SERPINB10: variants seen among roughly 807,000 people sequenced by gnomAD.
SERPINB10 encodes the protein serpin B10.
In SERPINB10, 35 loss-of-function variants were observed where a neutral mutation model predicts 39.1. The observed-to-expected ratio is 0.90, with a 90% confidence interval of 0.68 to 1.19. SERPINB10 has a LOEUF of 1.19. Among genes scored for constraint, SERPINB10 ranks in the 50% most tolerant of loss-of-function variants. The probability of loss-of-function intolerance (pLI) is 0.00; values close to 1 mark genes in which losing one functional copy is unlikely to be tolerated. For missense variants in SERPINB10, 546 were observed against 460.5 expected, an observed-to-expected ratio of 1.19 and a Z score of -1.70; for synonymous variants, 190 against 158.1, an observed-to-expected ratio of 1.20 and a Z score of -1.52.
intron 5 of SERPINB10, among the ~76,000 whole-genome samples, chr18:63,929,316 G>C (rs1225432078): frequency 1.3e-5 from 2 of 152,024 alleles, no homozygotes; most frequent in African/African-American, 2.4e-5. Context: ...TTTGGCAGGA[G>C]TTTAAATGCC....
At chr18:63,933,327 T>C in intron 7 of SERPINB10, 124 bp downstream of exon 7, 1 of 1,059,856 alleles carries the variant, frequency 9.4e-7, no homozygotes. Flanking sequence ...TTAATTCCTA[T>C]AGAGAAAGGT....
At chr18:63,918,931 A>G (rs1420500536) in intron 4 of SERPINB10, among the ~76,000 whole-genome samples, 1 of 151,774 alleles carries the variant, frequency 6.6e-6, no homozygotes, top group Non-Finnish European at 1.5e-5. Flanking sequence ...TATGTCCACA[A>G]GCCCTGAATT....
rs62097463 is a variant in SERPINB10, at chr18:63,911,179, A to T, written c.-10+3139A>T. Among the ~76,000 whole-genome samples, 529 of 152,158 alleles carry T rather than the reference A, an allele frequency of 3.5e-3. 5 individuals carry two copies. The highest frequency in any genetic ancestry group is 0.034 in the East Asian group (175 of 5,158). ...ATTAAGTTCCTTGTACATAATGGAT[A>T]TTAAACTTTTGTCAGTGGAATAGTT... On this transcript the variant is annotated intron_variant, in intron 1 of 7. Transcript: ENST00000238508.
chr18:63,918,102 T>G lies in SERPINB10; in HGVS notation c.372T>G (p.Asn124Lys), dbSNP rs1296739302. 3.1e-6 allele frequency: 5 copies of G among 1,611,888 alleles called. No individual in the cohort carries two copies. Among genetic ancestry groups the G allele is most frequent in the Non-Finnish European group, 4.2e-6 (5 of 1,178,748 alleles). ...IYGEKTYAFH[N>K]KYLEDMKTYF... Reference sequence around the variant, plus strand: ...GAGAGAAAACGTATGCATTTCACAATGTAAGTGCAAATGTCTTATTTTAAG... The same window carrying G: ...GAGAGAAAACGTATGCATTTCACAAGGTAAGTGCAAATGTCTTATTTTAAG... The change falls in exon 4 of 8, where the codon AAT (asparagine) becomes AAG (lysine). Residue 124 changes from asparagine to lysine, a missense_variant and splice_region_variant. By Grantham distance (94) the Asn-to-Lys change is moderately conservative. Coordinates refer to ENST00000238508, the MANE Select transcript of SERPINB10 (RefSeq NM_005024.3).
At chr18:63,918,516 A>G (rs1440973728) in intron 4 of SERPINB10, among the ~76,000 whole-genome samples, 5 of 152,112 alleles carry the variant, frequency 3.3e-5, no homozygotes, top group South Asian at 4.1e-4. Flanking sequence ...AACCCCACCA[A>G]TGCAGACCAT....
intron 1 of SERPINB10, among the ~76,000 whole-genome samples, chr18:63,913,078 G>A (rs1002740992): frequency 1.3e-5 from 2 of 152,044 alleles, no homozygotes; most frequent in South Asian, 2.1e-4. Context: ...GGTAGTCATA[G>A]TAGTCTCTGA....
intron 1 of SERPINB10, among the ~76,000 whole-genome samples, chr18:63,910,906 T>C (rs2050059717): frequency 6.6e-6 from 1 of 152,018 alleles, no homozygotes; most frequent in Admixed American, 6.6e-5. Context: ...TGATCTAATT[T>C]ACATTTCCAT....
In SERPINB10 at chr18:63,935,449, C is replaced by T. The variant is rs538640255; in HGVS notation, c.*207C>T. ...AGAATGACGATTTTTATTTTTAACA[C>T]GTTAACATTTTGTCTAATGTGACTT... On this transcript the variant is annotated 3_prime_UTR_variant, in exon 8 of 8. Coordinates refer to ENST00000238508, the MANE Select transcript of SERPINB10 (RefSeq NM_005024.3). 45 of 491,476 alleles carry T rather than the reference C, an allele frequency of 9.2e-5. 2 individuals carry two copies. In the South Asian group the frequency reaches 1.6e-3, roughly 17 times the overall value. The allele number at this position is 491,476 out of a possible 1,614,324, so 30.4% of individuals were successfully genotyped here. A position where few individuals can be genotyped will look rare whatever the true frequency, so the allele number is the denominator to read the frequency against.
chr18:63,917,390 A>G, intron 2 of SERPINB10, 66 bp from the exon 3 acceptor site: 1 of 908,302 alleles, frequency 1.1e-6, no homozygotes, highest in Non-Finnish European at 1.7e-6. Context: ...GTATTTACAG[A>G]TGATGTATGA....
chr18:63,920,842 T>A (rs942152813), intron 5 of SERPINB10, among the ~76,000 whole-genome samples: 3 of 151,998 alleles, frequency 2.0e-5, no homozygotes, highest in African/African-American at 7.2e-5. Context: ...AGTTTTCAGC[T>A]GGGTTGCCAT....
At chr18:63,914,501 A>G (rs1171757976) in intron 1 of SERPINB10, among the ~76,000 whole-genome samples, 2 of 152,114 alleles carry the variant, frequency 1.3e-5, no homozygotes, top group Admixed American at 1.3e-4. Context: ...TCGAGAAATT[A>G]TTTTGCCATA....
At chr18:63,910,889 T>C (rs912141183) in intron 1 of SERPINB10, among the ~76,000 whole-genome samples, 4 of 152,036 alleles carry the variant, frequency 2.6e-5, no homozygotes, top group Non-Finnish European at 4.4e-5. Flanking sequence ...CTGCTTTCCA[T>C]AGTAGCTGAT....
intron 2 of SERPINB10, 144 bp from the exon 3 acceptor site, chr18:63,917,312 A>T (rs1433024109): frequency 2.2e-6 from 1 of 446,826 alleles, no homozygotes; most frequent in Non-Finnish European, 4.0e-6. Context: ...TATTACACAC[A>T]TTAAGTCAAG....
chr18:63,933,954 G>A (rs1047997511), intron 7 of SERPINB10, among the ~76,000 whole-genome samples: 1 of 152,120 alleles, frequency 6.6e-6, no homozygotes, highest in Non-Finnish European at 1.5e-5. Flanking sequence ...TCCAAATTAT[G>A]TCATAAAATT....
intron 1 of SERPINB10, among the ~76,000 whole-genome samples, chr18:63,914,390 A>G (rs1262205354): frequency 6.6e-6 from 1 of 152,076 alleles, no homozygotes; most frequent in African/African-American, 2.4e-5. Flanking sequence ...AACAGGTATC[A>G]TTCTTTTGTT....
chr18:63,922,034 C>T (rs971396220), intron 5 of SERPINB10, among the ~76,000 whole-genome samples: 1 of 151,890 alleles, frequency 6.6e-6, no homozygotes, highest in Non-Finnish European at 1.5e-5. Flanking sequence ...TGACACTTAC[C>T]ACACTGTTAT....
intron 1 of SERPINB10, 76 bp from the exon 2 acceptor site, chr18:63,915,426 T>C (rs2050093946): frequency 1.8e-6 from 2 of 1,083,626 alleles, no homozygotes; most frequent in Admixed American, 2.1e-5. Flanking sequence ...TATGCAACTA[T>C]GAATACATAT....
chr18:63,928,219 T>C (rs567724704), intron 5 of SERPINB10, among the ~76,000 whole-genome samples: 2 of 152,242 alleles, frequency 1.3e-5, no homozygotes, highest in African/African-American at 4.8e-5. Flanking sequence ...GATCAGCCCT[T>C]TATTCTGAGT....
chr18:63,915,223 G>A (rs2050092543), intron 1 of SERPINB10, among the ~76,000 whole-genome samples: 1 of 152,026 alleles, frequency 6.6e-6, no homozygotes, highest in Non-Finnish European at 1.5e-5. Context: ...CAAGAGAGTG[G>A]CAAAAACTAT....
Sources: gnomAD v4.1 joint callset for allele counts (sites outside exome capture counted in the v4.1 genomes callset) on GRCh38, gnomAD v4.1.1 for gene constraint, MANE v1.5 for transcripts, NCBI Gene and HGNC (gene_info 2026-07-23, HGNC 2026-07-21) for gene names.